The following SGK1 variants were observed in gnomAD, a reference collection of about 807,000 sequenced individuals.
The protein encoded by SGK1 is serum/glucocorticoid regulated kinase 1, also known as serine/threonine-protein kinase Sgk1.
In SGK1, 26 loss-of-function variants were observed where a neutral mutation model predicts 64.2. That is an observed-to-expected ratio of 0.40 (90% CI 0.30 to 0.56). SGK1 has a LOEUF of 0.56. Among genes scored for constraint, SGK1 ranks in the 20% least tolerant of loss-of-function variants. The pLI is 0.38. For synonymous variants in SGK1, 265 were observed against 239.7 expected (o/e 1.11, Z -0.98); for missense variants, 519 against 645.6 (o/e 0.80, Z 2.12).
intron 2 of SGK1, among the ~76,000 whole-genome samples, chr6:134,251,231 C>CA (rs995888826): frequency 6.9e-4 from 105 of 151,592 alleles, no homozygotes; most frequent in Non-Finnish European, 7.8e-4. Context: ...GAAATAACTG[C>CA]AAAAAAAATG....
chr6:134,218,437 C>CTTTTTTTTTT (rs71003680), intron 2 of SGK1, among the ~76,000 whole-genome samples: 7 of 129,160 alleles, frequency 5.4e-5, no homozygotes, highest in Non-Finnish European at 9.5e-5. Context: ...TTCTTTTTTT[C>CTTTTTTTTTT]TTTTTTTTTT....
intron 1 of SGK1, among the ~76,000 whole-genome samples, chr6:134,292,037 T>C (rs1777273371): frequency 1.3e-5 from 2 of 148,852 alleles, no homozygotes; most frequent in African/African-American, 5.0e-5. Flanking sequence ...CACTCCAACC[T>C]GGGTGACAGA....
At position 134,169,383 on chromosome 6, in the gene SGK1, A is replaced by T. The variant is rs764749703; in HGVS notation, c.*885T>A. 3.9e-5 allele frequency: 6 copies of T among 152,654 alleles called. No individual in the cohort carries two copies. Among genetic ancestry groups the T allele is most frequent in the Non-Finnish European group, 8.8e-5 (6 of 68,036 alleles). The allele number at this position is 152,654 out of a possible 1,614,324, so 9.5% of individuals were successfully genotyped here. ...TTACAGTACATTAAAATGGTGGTTT[A>T]CATTACAAATAAGCCTGTAAGTTTA... On this transcript the variant is annotated 3_prime_UTR_variant, in exon 14 of 14. Coordinates refer to ENST00000367858, the MANE Select transcript of SGK1 (RefSeq NM_001143676.3).
chr6:134,176,996 AC>A (rs1775250544), intron 3 of SGK1, among the ~76,000 whole-genome samples: 1 of 152,224 alleles, frequency 6.6e-6, no homozygotes, highest in African/African-American at 2.4e-5. Flanking sequence ...CGGGCGGATC[AC>A]GAGGTCAAGA....
At chr6:134,209,721 G>A (rs955733376) in intron 2 of SGK1, among the ~76,000 whole-genome samples, 13 of 152,128 alleles carry the variant, frequency 8.5e-5, no homozygotes, top group Admixed American at 6.6e-5. Flanking sequence ...TTGTTGCCCA[G>A]GCTAGAGTGC....
chr6:134,253,659 AT>A (rs1470644352), intron 2 of SGK1, among the ~76,000 whole-genome samples: 1 of 152,156 alleles, frequency 6.6e-6, no homozygotes, highest in African/African-American at 2.4e-5. Flanking sequence ...TCTCAAAAAA[AT>A]AAAAAATTTT....
At chr6:134,196,574 A>G (rs1775597415) in intron 3 of SGK1, among the ~76,000 whole-genome samples, 1 of 152,258 alleles carries the variant, frequency 6.6e-6, no homozygotes, top group Non-Finnish European at 1.5e-5. Context: ...TCAAGAATTC[A>G]CGACACAACC....
chr6:134,232,455 G>GAA (rs1776301345), intron 2 of SGK1, among the ~76,000 whole-genome samples: 1 of 39,372 alleles, frequency 2.5e-5, no homozygotes, highest in South Asian at 2.2e-3. Context: ...AAGAAAGAAA[G>GAA]AAAGAAAGAA....
rs767104713 is a variant in SGK1 at position 134,174,831 on chromosome 6, A to C, written c.362-245T>G. ...ATCACCACCGCGGGGAGACAGAAAG[A>C]CGTTAGCGCTCAAAGACCGGCTCGG... On this transcript the variant is annotated intron_variant, in intron 3 of 13. Coordinates refer to ENST00000367858, the MANE Select transcript of SGK1 (RefSeq NM_001143676.3). The C allele has an allele frequency of 7.4e-6, 12 of 1,613,598 alleles. No individual in the cohort carries two copies. The Admixed American group carries it at 1.2e-4, about 16-fold the overall frequency.
intron 3 of SGK1, among the ~76,000 whole-genome samples, chr6:134,178,782 A>C (rs1157007670): frequency 6.6e-6 from 1 of 151,890 alleles, no homozygotes; most frequent in East Asian, 1.9e-4. Flanking sequence ...GAAAATATAG[A>C]CGGCTTGATA....
chr6:134,170,247 A>C lies in SGK1; in HGVS notation c.*21T>G. 6.3e-7 allele frequency: 1 copy of C among 1,579,510 alleles called. No homozygotes were observed. ...TTCGGAAACACACATAAAATCCTTTAAAACCAAGCCCTAACAGGGTTCAGA... is the reference window on the plus strand; with the variant it reads ...TTCGGAAACACACATAAAATCCTTTCAAACCAAGCCCTAACAGGGTTCAGA... On this transcript the variant is annotated 3_prime_UTR_variant, in exon 14 of 14. Transcript: ENST00000367858.
At chr6:134,175,450 C>G (rs1007951190) in intron 3 of SGK1, 9 of 1,313,494 alleles carry the variant, frequency 6.9e-6, no homozygotes, top group Non-Finnish European at 8.8e-6. Context: ...GCCGGGACCC[C>G]GGCCCCGAGA....
chr6:134,213,615 AAAATAAAT>A lies in SGK1; in HGVS notation c.286-6192_286-6185del, dbSNP rs55961271. Among the ~76,000 whole-genome samples, 14 of 123,006 alleles carry A rather than the reference AAAATAAAT, an allele frequency of 1.1e-4. 1 individual carries two copies. The highest frequency in any genetic ancestry group is 3.2e-4 in the African/African-American group (9 of 27,734). The allele number at this position is 123,006 out of a possible 152,430, so 80.7% of individuals were successfully genotyped here. A position where few individuals can be genotyped will look rare whatever the true frequency, so the allele number is the denominator to read the frequency against. On this transcript the variant is annotated intron_variant, in intron 2 of 13. Transcript: ENST00000367858. ...GGTGACAAGAGCAAAACTCTGTCTC[AAAATAAAT>A]AAATAAATAAATAAATAAATAATAA... is the stretch of plus-strand genomic sequence containing the variant.
At position 134,171,016 on chromosome 6, in the gene SGK1, C is replaced by T. The variant is rs1160953864; in HGVS notation, c.1323+7G>A. 6.2e-7 allele frequency: 1 copy of T among 1,613,932 alleles called. No individual in the cohort carries two copies. Among genetic ancestry groups the T allele is most frequent in the South Asian group, 1.1e-5 (1 of 90,996 alleles). On this transcript the variant is annotated splice_region_variant and intron_variant, in intron 12 of 13. Transcript: ENST00000367858. ...CCGGCCCAGGAGGACAGGAAAACAT[C>T]ACTCACGAAGTCATCCTTGGCCCCG...
chr6:134,260,696 T>C (rs1776754957), intron 2 of SGK1: 2 of 149,748 alleles, frequency 1.3e-5, no homozygotes, highest in Admixed American at 6.6e-5. Context: ...AGAAAGAAAG[T>C]AGACAAATTA....
At chr6:134,185,317 C>G (rs985751864) in intron 3 of SGK1, among the ~76,000 whole-genome samples, 1 of 152,154 alleles carries the variant, frequency 6.6e-6, no homozygotes. Context: ...ACATTTAGCA[C>G]AACCCCCTTC....
chr6:134,273,245 T>C (rs1776967052), intron 1 of SGK1, among the ~76,000 whole-genome samples: 1 of 146,990 alleles, frequency 6.8e-6, no homozygotes, highest in Non-Finnish European at 1.5e-5. Flanking sequence ...CAAAGGGCCA[T>C]TGGAGAAAAG....
intron 3 of SGK1, among the ~76,000 whole-genome samples, chr6:134,193,743 C>G (rs1218519397): frequency 1.9e-5 from 2 of 105,782 alleles, no homozygotes; most frequent in African/African-American, 7.4e-5. Flanking sequence ...TAGCCTTGCT[C>G]TGCAAGGAAC....
intron 2 of SGK1, among the ~76,000 whole-genome samples, chr6:134,234,897 G>A (rs765153440): frequency 8.6e-5 from 13 of 152,006 alleles, no homozygotes; most frequent in Non-Finnish European, 1.9e-4. Flanking sequence ...AAATAAATAA[G>A]ACTAATTGGA....
Sources: allele counts gnomAD v4.1 joint callset (sites outside exome capture counted in the v4.1 genomes callset), GRCh38; gene constraint gnomAD v4.1.1; transcripts MANE v1.5; gene names NCBI Gene and HGNC (gene_info 2026-07-23, HGNC 2026-07-21).